Variants in NCOA6 observed in about 807,000 individuals in gnomAD.
NCOA6 encodes NRC RAP250.
Under a neutral mutation model 171.4 loss-of-function variants are expected in NCOA6, and 49 were observed. The observed-to-expected ratio is 0.29, with a 90% CI of 0.23 to 0.36. NCOA6 has a LOEUF of 0.36. Among genes scored for constraint, NCOA6 ranks in the 10% least tolerant of loss-of-function variants. The pLI is 1.00. For synonymous variants in NCOA6, 910 were observed against 927.5 expected (o/e 0.98, Z 0.34); for missense variants, 2,248 against 2,554.5 (o/e 0.88, Z 2.59).
chr20:34,724,905 C>T (rs1989779506), intron 14 of NCOA6, among the ~76,000 whole-genome samples: 1 of 151,974 alleles, frequency 6.6e-6, no homozygotes, highest in African/African-American at 2.4e-5. Context: ...TCTCCTGCCT[C>T]AGTCTCCTGA....
chr20:34,753,275 G>T (rs2076546207), intron 8 of NCOA6, among the ~76,000 whole-genome samples: 2 of 151,374 alleles, frequency 1.3e-5, no homozygotes, highest in Admixed American at 1.3e-4. Flanking sequence ...TCAAACTCAT[G>T]ATCTCAAGTG....
At chr20:34,765,949 AC>A (rs1310383258) in intron 5 of NCOA6, among the ~76,000 whole-genome samples, 2 of 152,242 alleles carry the variant, frequency 1.3e-5, no homozygotes, top group Non-Finnish European at 2.9e-5. Context: ...AGAAAGCAGT[AC>A]TAAGAATAAT....
intron 14 of NCOA6, among the ~76,000 whole-genome samples, 154 bp downstream of exon 14, chr20:34,727,105 A>G (rs545466255): frequency 6.6e-6 from 1 of 152,250 alleles, no homozygotes; most frequent in Non-Finnish European, 1.5e-5. Flanking sequence ...TAAATGAACA[A>G]ATAAAGGAAG....
chr20:34,764,464 C>T (rs1271821657), intron 5 of NCOA6, among the ~76,000 whole-genome samples: 3 of 151,692 alleles, frequency 2.0e-5, no homozygotes, highest in East Asian at 2.0e-4. Flanking sequence ...GAGGCTGAGA[C>T]GCGTGGATCA....
chr20:34,796,620 C>A (rs752848753), intron 1 of NCOA6, among the ~76,000 whole-genome samples: 16 of 151,784 alleles, frequency 1.1e-4, no homozygotes, highest in Non-Finnish European at 2.4e-4. Flanking sequence ...CGAGACCAGC[C>A]CAGGCAACAC....
rs905312087 is a variant in NCOA6, at chr20:34,742,397, G to A, written c.3859C>T (p.Pro1287Ser). 3.7e-6 allele frequency: 6 copies of A among 1,614,096 alleles called. No individual in the cohort carries two copies. Among genetic ancestry groups the A allele is most frequent in the East Asian group, 2.2e-5 (1 of 44,906 alleles). The part of the protein sequence containing the change: ...PTTLKAIGQA[P>S]SNLTMNPSNF... The stretch of plus-strand genomic sequence containing the variant: ...GAAGGATTCATGGTAAGATTTGAAG[G>A]TGCTTGCCCGATGGCCTTCAAAGTT... The change falls in exon 11 of 15, where the codon CCT becomes TCT. Residue 1287 changes from proline to serine, a missense_variant. Physicochemically the swap from Pro to Ser is moderately conservative, Grantham distance 74. Transcript: ENST00000359003.
intron 3 of NCOA6, among the ~76,000 whole-genome samples, chr20:34,778,188 C>T (rs1359383798): frequency 6.6e-6 from 1 of 152,172 alleles, no homozygotes; most frequent in Non-Finnish European, 1.5e-5. Context: ...AGGCGTGAGC[C>T]ACTGCGCCCA....
chr20:34,722,684 GAAAAAAAA>G (rs112692497), intron 14 of NCOA6, among the ~76,000 whole-genome samples: 2 of 90,514 alleles, frequency 2.2e-5, no homozygotes, highest in Non-Finnish European at 4.8e-5. Flanking sequence ...TGTCTCAAAT[GAAAAAAAA>G]AAAAAAAAAA....
chr20:34,751,536 C>A (rs939604674), intron 8 of NCOA6, among the ~76,000 whole-genome samples: 5 of 151,976 alleles, frequency 3.3e-5, no homozygotes, highest in Admixed American at 6.6e-5. Flanking sequence ...GAAAATAACA[C>A]CAAGGACAGG....
At chr20:34,722,727 A>G (rs1600727207) in intron 14 of NCOA6, among the ~76,000 whole-genome samples, 1 of 151,022 alleles carries the variant, frequency 6.6e-6, no homozygotes, top group Non-Finnish European at 1.5e-5. Context: ...GGCTCACACC[A>G]GTAATTCCAG....
chr20:34,732,444 G>A (rs1163838920), intron 13 of NCOA6, 115 bp downstream of exon 13: 2 of 964,016 alleles, frequency 2.1e-6, no homozygotes, highest in South Asian at 3.2e-5. Context: ...ACAGACTGGT[G>A]CAAGAGTGAA....
chr20:34,722,151 C>T (rs908871200), intron 14 of NCOA6, among the ~76,000 whole-genome samples: 1 of 148,926 alleles, frequency 6.7e-6, no homozygotes, highest in Non-Finnish European at 1.5e-5. Context: ...GAGGCCGAGG[C>T]AGGTGGATCA....
At chr20:34,755,334 T>A (rs1209895613) in intron 7 of NCOA6, among the ~76,000 whole-genome samples, 1 of 152,232 alleles carries the variant, frequency 6.6e-6, no homozygotes, top group Non-Finnish European at 1.5e-5. Context: ...TGATTATTTT[T>A]CCTTTGAGGG....
rs759279791 is a variant in NCOA6 at position 34,776,529 on chromosome 20, G to A, written c.236-81C>T. The A allele has an allele frequency of 2.8e-5, 41 of 1,483,984 alleles. No homozygotes were observed. In the Middle Eastern group the frequency reaches 5.7e-4, roughly 21 times the overall value. 91.9% of individuals were successfully genotyped at this position (1,483,984 alleles called of 1,614,324 possible). A position where few individuals can be genotyped will look rare whatever the true frequency, so the allele number is the denominator to read the frequency against. On this transcript the variant is annotated intron_variant, in intron 3 of 14. Transcript: ENST00000359003. ...TGGAATTAAAAAACAAACCAAAAGA[G>A]CAAAAGAATAAGGTGGAGCACCAGC...
Position 34,742,704 on chromosome 20 carries a change from G to T in NCOA6, c.3552C>A (p.Pro1184=), listed in dbSNP as rs1227153364. Residue 1184 remains proline, a synonymous_variant, in exon 11 of 15, where the codon CCC becomes CCA. Coordinates refer to ENST00000359003, the MANE Select transcript of NCOA6 (RefSeq NM_014071.5). ...GAGAGCTGGGCAGGGAATTTACAGG[G>T]GGTTGCTGGGGAGTTGCACCTTGAG... The part of the protein sequence containing the change: ...SATQGATPQQ[P]PVNSLPSSHG... The T allele has an allele frequency of 6.2e-7, 1 of 1,614,038 alleles. No individual in the cohort carries two copies. Among genetic ancestry groups the T allele is most frequent in the African/African-American group, 1.3e-5 (1 of 74,906 alleles).
At chr20:34,803,085 A>T (rs2078310328) in intron 1 of NCOA6, among the ~76,000 whole-genome samples, 1 of 152,158 alleles carries the variant, frequency 6.6e-6, no homozygotes, top group South Asian at 2.1e-4. Context: ...TGCTGGGATT[A>T]CAAGCATGAG....
At chr20:34,732,703 GC>G in intron 12 of NCOA6, 108 bp from the exon 13 acceptor site, 1 of 888,636 alleles carries the variant, frequency 1.1e-6, no homozygotes, top group Non-Finnish European at 1.8e-6. Context: ...GTGTCCCTGT[GC>G]CCAGCAGGAT....
At chr20:34,784,807 G>A (rs957149125) in intron 2 of NCOA6, among the ~76,000 whole-genome samples, 17 of 151,936 alleles carry the variant, frequency 1.1e-4, no homozygotes, top group East Asian at 3.9e-4. Context: ...TAGGCTGGGC[G>A]CGGTGGCTCA....
At chr20:34,814,741 G>A (rs543759328) in intron 1 of NCOA6, among the ~76,000 whole-genome samples, 3 of 152,160 alleles carry the variant, frequency 2.0e-5, no homozygotes, top group South Asian at 4.2e-4. Context: ...ACAGGCGCAC[G>A]CCACCACGCC....
Sources: gnomAD v4.1 joint callset for allele counts (sites outside exome capture counted in the v4.1 genomes callset) on GRCh38, gnomAD v4.1.1 for gene constraint, MANE v1.5 for transcripts, NCBI Gene and HGNC (gene_info 2026-07-23, HGNC 2026-07-21) for gene names.